The following SLC12A7 variants were observed in gnomAD, a reference collection of about 807,000 sequenced individuals.
SLC12A7 encodes the protein solute carrier family 12 member 7.
In SLC12A7, 100 loss-of-function variants were observed where a neutral mutation model predicts 120.6. That is an observed-to-expected ratio of 0.83 (90% CI 0.71 to 0.98). The LOEUF (loss-of-function observed/expected upper bound fraction) is 0.98. Among genes scored for constraint, SLC12A7 ranks in the 50% least tolerant of loss-of-function variants. The pLI, the probability that SLC12A7 is intolerant of heterozygous loss-of-function variation, is 0.00. For missense variants in SLC12A7, 1,373 were observed against 1,548.1 expected (o/e 0.89, Z 1.90); for synonymous variants, 760 against 678.0 (o/e 1.12, Z -1.88).
At chr5:1,132,533 GTTCT>G in the SLC12A7 span, among the ~76,000 whole-genome samples, 5 of 152,146 alleles carry the variant, frequency 3.3e-5, no homozygotes, top group Non-Finnish European at 5.9e-5. Flanking sequence ...TCTGGTAACA[GTTCT>G]TTTTTCTTTT....
the SLC12A7 span, among the ~76,000 whole-genome samples, chr5:1,135,282 T>C: frequency 1.3e-5 from 2 of 152,228 alleles, no homozygotes; most frequent in Non-Finnish European, 2.9e-5. Context: ...CAGCTGAGCC[T>C]GTGAGATTTT....
Position 1,057,136 on chromosome 5 carries a change from CAAGGACCCCTCAGCGCTTGGCACTAG to C in SLC12A7, c.3026+309_3026+334del, listed in dbSNP as rs549963431. 2.2e-3 allele frequency: 574 copies of C among 262,038 alleles called. 2 individuals are homozygous for C. Among genetic ancestry groups the C allele is most frequent in the East Asian group, 0.018 (248 of 13,844 alleles). 16.2% of individuals were successfully genotyped at this position (262,038 alleles called of 1,614,324 possible). A position where few individuals can be genotyped will look rare whatever the true frequency, so the allele number is the denominator to read the frequency against. ...ACATCAGGACCCACCCTAGGTCCTACAAGGACCCCTCAGCGCTTGGCACTAGAAGGACCCCTCAGCGCTTGGCACTA... is the reference window on the plus strand; with the variant it reads ...ACATCAGGACCCACCCTAGGTCCTACAAGGACCCCTCAGCGCTTGGCACTA... On this transcript the variant is annotated intron_variant, in intron 22 of 23. Coordinates refer to ENST00000264930, the MANE Select transcript of SLC12A7 (RefSeq NM_006598.3).
chr5:1,079,519 A>G (rs201555295), intron 9 of SLC12A7, 23 bp from the exon 10 acceptor site: 374 of 1,594,816 alleles, frequency 2.3e-4, no homozygotes, highest in Middle Eastern at 3.3e-4. Flanking sequence ...AAAATGCTGC[A>G]AAGACCCATC....
intron 1 of SLC12A7, among the ~76,000 whole-genome samples, chr5:1,098,144 C>CCCTCTGCACGCCCAGCCCCCCTCT (rs1406298713): frequency 1.5e-5 from 1 of 64,754 alleles, no homozygotes; most frequent in African/African-American, 7.6e-5. Context: ...CCAGCCCCCA[C>CCCTCTGCACGCCCAGCCCCCCTCT]AACCCTCTGC....
rs768367750 is a variant in SLC12A7, at chr5:1,078,012, AGGCAGGCG to A, written c.1455-13_1455-6del. 5.1e-5 allele frequency: 80 copies of A among 1,556,196 alleles called. No homozygotes were observed. The Admixed American group carries it at 9.9e-4, about 19-fold the overall frequency. Reference sequence around the variant, plus strand: ...CCCTGCAGGGCCTCCCCGAACCTGCAGGCAGGCGGGCAGGCGGGCGGGCGGCTTTCAGA... The same window carrying A: ...CCCTGCAGGGCCTCCCCGAACCTGCAGGCAGGCGGGCGGGCGGCTTTCAGA... On this transcript the variant is annotated splice_polypyrimidine_tract_variant and splice_region_variant and intron_variant, in intron 11 of 23. Coordinates refer to ENST00000264930, the MANE Select transcript of SLC12A7 (RefSeq NM_006598.3).
At chr5:1,146,764 C>T in the SLC12A7 span, among the ~76,000 whole-genome samples, 83 of 152,310 alleles carry the variant, frequency 5.4e-4, no homozygotes, top group South Asian at 1.2e-3. The surrounding 1 kb of genome is among the most constrained non-coding windows in gnomAD (Gnocchi z 6.5). Context: ...CTTACCCTAA[C>T]CCAGACAATC....
chr5:1,115,621 A>T (rs574048462), upstream of SLC12A7, among the ~76,000 whole-genome samples: 34 of 152,190 alleles, frequency 2.2e-4, no homozygotes, highest in Non-Finnish European at 4.6e-4. Context: ...TGGGGCTGGC[A>T]GGCAGAGTGT....
At chr5:1,091,711 C>T (rs1048280881) in intron 3 of SLC12A7, among the ~76,000 whole-genome samples, 1 of 151,590 alleles carries the variant, frequency 6.6e-6, no homozygotes, top group African/African-American at 2.4e-5. Flanking sequence ...CACACCACCA[C>T]CCAATTCCGC....
At chr5:1,079,556 G>C in intron 9 of SLC12A7, 60 bp from the exon 10 acceptor site, 1 of 1,360,806 alleles carries the variant, frequency 7.3e-7, no homozygotes, top group Non-Finnish European at 1.1e-6. Context: ...TGTGATGGCA[G>C]CCCCTGCCCA....
chr5:1,142,063 G>A, the SLC12A7 span, among the ~76,000 whole-genome samples: 5 of 152,054 alleles, frequency 3.3e-5, no homozygotes, highest in Middle Eastern at 3.4e-3. Flanking sequence ...TGCTAGAGGC[G>A]GGGCAGGTGG....
At chr5:1,058,592 T>C (rs1211378638) in intron 21 of SLC12A7, among the ~76,000 whole-genome samples, 1 of 152,214 alleles carries the variant, frequency 6.6e-6, no homozygotes, top group Non-Finnish European at 1.5e-5. Flanking sequence ...CTGGACCAGG[T>C]TCTTCTTCCC....
Position 1,057,506 on chromosome 5 carries a change from G to T in SLC12A7, c.2991C>A (p.Ser997Arg). 1.2e-6 allele frequency: 2 copies of T among 1,613,136 alleles called. No individual in the cohort carries two copies. The highest frequency in any genetic ancestry group is 1.7e-6 in the Non-Finnish European group (2 of 1,179,890). ...IAEKYRSRDT[S>R]LSGFKDLFSM... ...TGAAGAGGTCTTTGAAACCAGATAG[G>T]CTGGTGTCTCTGCTCCTGTACTTCT... Residue 997 changes from serine (S) to arginine (R), a missense_variant, in exon 22 of 24, where the codon AGC (serine) becomes AGA (arginine). Coordinates refer to ENST00000264930, the MANE Select transcript of SLC12A7 (RefSeq NM_006598.3).
chr5:1,104,700 G>C (rs1052437600), intron 1 of SLC12A7, among the ~76,000 whole-genome samples: 12 of 152,114 alleles, frequency 7.9e-5, no homozygotes, highest in Non-Finnish European at 1.8e-4. Context: ...GGTGCGTGTG[G>C]GGTGCTGCCC....
intron 18 of SLC12A7, 66 bp downstream of exon 18, chr5:1,065,217 A>G: frequency 8.4e-7 from 1 of 1,184,572 alleles, no homozygotes; most frequent in Non-Finnish European, 1.2e-6. Flanking sequence ...GGGGACAGCG[A>G]GGGGACACTG....
chr5:1,113,688 C>T (rs962677202), upstream of SLC12A7, among the ~76,000 whole-genome samples: 8 of 152,148 alleles, frequency 5.3e-5, no homozygotes, highest in African/African-American at 1.7e-4. Flanking sequence ...ACCATCACCT[C>T]CCCAGAAGAT....
At chr5:1,084,550 A>G (rs1739597685) in intron 7 of SLC12A7, among the ~76,000 whole-genome samples, 1 of 152,188 alleles carries the variant, frequency 6.6e-6, no homozygotes, top group East Asian at 1.9e-4. Context: ...CAGTCTACAC[A>G]GGGCCGTAGC....
At chr5:1,133,327 G>A in the SLC12A7 span, among the ~76,000 whole-genome samples, 10,907 of 152,094 alleles carry the variant, frequency 0.072, 515 homozygotes, top group Non-Finnish European at 0.1. Flanking sequence ...CCAACCCCCC[G>A]ACCTCCTCAG....
the SLC12A7 span, among the ~76,000 whole-genome samples, chr5:1,139,075 G>C: frequency 6.6e-6 from 1 of 152,158 alleles, no homozygotes. Flanking sequence ...GGTGGGGGGG[G>C]GGCTCTGGGC....
chr5:1,140,033 A>G, the SLC12A7 span, among the ~76,000 whole-genome samples: 1 of 152,188 alleles, frequency 6.6e-6, no homozygotes, highest in East Asian at 1.9e-4. Context: ...TCTGTCTCCC[A>G]GAGCATCCCA....
Sources: gnomAD v4.1 joint callset for allele counts (sites outside exome capture counted in the v4.1 genomes callset) on GRCh38, gnomAD v4.1.1 for gene constraint, Gnocchi (gnomAD v3.1) non-coding constraint, MANE v1.5 for transcripts, NCBI Gene and HGNC (gene_info 2026-07-23, HGNC 2026-07-21) for gene names.